Variants in MAGEA1 observed in about 807,000 individuals in gnomAD.
MAGEA1 encodes the protein MAGE family member A1, also known as melanoma-associated antigen 1.
For synonymous variants in MAGEA1, 101 were observed against 96.7 expected (o/e 1.04, Z -0.26); for missense variants, 182 against 233.7 (o/e 0.78, Z 1.44).
Position 153,181,194 on chromosome X carries a change from G to A in MAGEA1, c.-138-983G>A, listed in dbSNP as rs782348377. Among the ~76,000 whole-genome samples, 6 of 111,413 alleles carry A rather than the reference G, an allele frequency of 5.4e-5. No homozygotes were observed. In the South Asian group the frequency reaches 1.9e-3, roughly 35 times the overall value. On this transcript the variant is annotated intron_variant, in intron 1 of 2. Coordinates refer to ENST00000356661, the MANE Select transcript of MAGEA1 (RefSeq NM_004988.5). ...GGAATCCTCACCCCAGAACCAAAGG[G>A]GTCAGCCCTGGACACCTCACCCAGG...
Position 153,182,731 on chromosome X carries a change from C to A in MAGEA1, c.342C>A (p.Leu114=), listed in dbSNP as rs1395812987. Residue 114 remains leucine, a synonymous_variant, in exon 3 of 3, where the codon CTC becomes CTA. Coordinates refer to ENST00000356661, the MANE Select transcript of MAGEA1 (RefSeq NM_004988.5). ...TGGCTGATTTGGTTGGTTTTCTGCT[C>A]CTCAAATATCGAGCCAGGGAGCCAG... ...KKVADLVGFL[L]LKYRAREPVT... is the part of the protein sequence containing the mutation. 1 of 1,210,265 alleles carries A rather than the reference C, an allele frequency of 8.3e-7. No homozygotes were observed. Among genetic ancestry groups the A allele is most frequent in the East Asian group, 3.0e-5 (1 of 33,783 alleles).
In MAGEA1 at chrX:153,182,570, G is replaced by A; in HGVS notation, c.181G>A (p.Ala61Thr). The change falls in exon 3 of 3, where the codon GCC (alanine) becomes ACC (threonine). Residue 61 changes from alanine (A) to threonine (T), a missense_variant. By Grantham distance (58) the Ala-to-Thr change is moderately conservative. Transcript: ENST00000356661. ...STDPPQSPQGASAFPTTINFT... is the reference protein window; with the variant it reads ...STDPPQSPQGTSAFPTTINFT... ...AGATCCTCCCCAGAGTCCTCAGGGA[G>A]CCTCCGCCTTTCCCACTACCATCAA... 1.7e-6 allele frequency: 2 copies of A among 1,211,632 alleles called. No individual in the cohort carries two copies. The highest frequency in any genetic ancestry group is 2.2e-6 in the Non-Finnish European group (2 of 895,440).
Position 153,183,470 on chromosome X carries a change from C to T in MAGEA1, c.*151C>T, listed in dbSNP as rs2051507666. On this transcript the variant is annotated 3_prime_UTR_variant, in exon 3 of 3. Coordinates refer to ENST00000356661, the MANE Select transcript of MAGEA1 (RefSeq NM_004988.5). ...GTGTTCTCAGTAGTAGGTTTCTGTT[C>T]TATTGGGTGACTTGGAGATTTATCT... The T allele has an allele frequency of 1.9e-6, 1 of 523,283 alleles. No individual in the cohort carries two copies. Among genetic ancestry groups the T allele is most frequent in the Non-Finnish European group, 3.2e-6 (1 of 310,925 alleles). The allele number at this position is 523,283 out of a possible 1,213,427, so 43.1% of individuals were successfully genotyped here. A position where few individuals can be genotyped will look rare whatever the true frequency, so the allele number is the denominator to read the frequency against.
intron 1 of MAGEA1, among the ~76,000 whole-genome samples, chrX:153,180,272 G>A (rs797039405): frequency 1.8e-5 from 2 of 111,430 alleles, no homozygotes; most frequent in Non-Finnish European, 3.8e-5. Flanking sequence ...CAGGGCCCAG[G>A]CATCAAGGTC....
At position 153,183,417 on chromosome X, in the gene MAGEA1, C is replaced by T. The variant is rs1291214408; in HGVS notation, c.*98C>T. ...TCCCCTGCCTCGTGTGACATGAGGC[C>T]CATTCTTCACTCTGAAGAGAGCGGT... On this transcript the variant is annotated 3_prime_UTR_variant, in exon 3 of 3. Coordinates refer to ENST00000356661, the MANE Select transcript of MAGEA1 (RefSeq NM_004988.5). 4 of 816,610 alleles carry T rather than the reference C, an allele frequency of 4.9e-6. No homozygotes were observed. Among genetic ancestry groups the T allele is most frequent in the Non-Finnish European group, 7.1e-6 (4 of 560,506 alleles). 67.3% of individuals were successfully genotyped at this position (816,610 alleles called of 1,213,427 possible). A position where few individuals can be genotyped will look rare whatever the true frequency, so the allele number is the denominator to read the frequency against.
rs2051498452 is a variant in MAGEA1 at position 153,182,331 on chromosome X, G to A, written c.-59G>A. The A allele has an allele frequency of 4.6e-6, 5 of 1,077,618 alleles. No individual in the cohort carries two copies. The highest frequency in any genetic ancestry group is 3.0e-5 in the East Asian group (1 of 33,190). 88.8% of individuals were successfully genotyped at this position (1,077,618 alleles called of 1,213,427 possible). On this transcript the variant is annotated 5_prime_UTR_variant, in exon 3 of 3. Coordinates refer to ENST00000356661, the MANE Select transcript of MAGEA1 (RefSeq NM_004988.5). Reference sequence around the variant, plus strand: ...ACACTCCCTCTCTCCCCAGGCCTGTGGGTCTTCATTGCCCAGCTCCTGCCC... The same window carrying A: ...ACACTCCCTCTCTCCCCAGGCCTGTAGGTCTTCATTGCCCAGCTCCTGCCC...
intron 1 of MAGEA1, among the ~76,000 whole-genome samples, chrX:153,179,745 C>T (rs1170120838): frequency 1.9e-5 from 2 of 102,815 alleles, no homozygotes; most frequent in Non-Finnish European, 2.0e-5. Context: ...CCCATCCCTA[C>T]TCCTACTCCG....
intron 1 of MAGEA1, among the ~76,000 whole-genome samples, 153 bp downstream of exon 1, chrX:153,179,518 A>G (rs1475781303): frequency 1.9e-5 from 2 of 107,685 alleles, no homozygotes; most frequent in African/African-American, 3.4e-5. Context: ...GCCTTGAGAG[A>G]CACCAGGTTC....
At chrX:153,181,498 T>C (rs1321298039) in intron 1 of MAGEA1, among the ~76,000 whole-genome samples, 5 of 111,439 alleles carry the variant, frequency 4.5e-5, no homozygotes, top group African/African-American at 9.8e-5. Flanking sequence ...CCTGGGATCA[T>C]TGATGTCAGG....
At chrX:153,180,565 G>A (rs995702040) in intron 1 of MAGEA1, among the ~76,000 whole-genome samples, 1 of 111,356 alleles carries the variant, frequency 9.0e-6, no homozygotes, top group African/African-American at 3.3e-5. Flanking sequence ...GATGAGGGAG[G>A]CCTCAGAGGA....
chrX:153,183,364 G>A lies in MAGEA1; in HGVS notation c.*45G>A, dbSNP rs2051507185. 9.6e-6 allele frequency: 11 copies of A among 1,147,074 alleles called. No homozygotes were observed. Among genetic ancestry groups the A allele is most frequent in the Non-Finnish European group, 1.3e-5 (11 of 848,818 alleles). 94.5% of individuals were successfully genotyped at this position (1,147,074 alleles called of 1,213,427 possible). On this transcript the variant is annotated 3_prime_UTR_variant, in exon 3 of 3. Transcript: ENST00000356661. Reference sequence around the variant, plus strand: ...CCAGTGGGAGGGGGACTGGGCCAGTGCACCTTCCAGGGCCGCGTCCAGCAG... The same window carrying A: ...CCAGTGGGAGGGGGACTGGGCCAGTACACCTTCCAGGGCCGCGTCCAGCAG...
In MAGEA1 at chrX:153,182,547, A is replaced by T. The variant is rs1556944096; in HGVS notation, c.158A>T (p.Asp53Val). The part of the protein sequence containing the change: ...LEEVPTAGST[D>V]PPQSPQGASA... ...GAGGTGCCCACTGCTGGGTCAACAGATCCTCCCCAGAGTCCTCAGGGAGCC... is the reference window on the plus strand; with the variant it reads ...GAGGTGCCCACTGCTGGGTCAACAGTTCCTCCCCAGAGTCCTCAGGGAGCC... The change falls in exon 3 of 3, where the codon GAT becomes GTT. Residue 53 changes from aspartate (D) to valine (V), a missense_variant. Coordinates refer to ENST00000356661, the MANE Select transcript of MAGEA1 (RefSeq NM_004988.5). 1.7e-6 allele frequency: 2 copies of T among 1,209,303 alleles called. No homozygotes were observed. The highest frequency in any genetic ancestry group is 2.2e-6 in the Non-Finnish European group (2 of 894,989).
At chrX:153,182,289 C>A in intron 2 of MAGEA1, 36 bp from the exon 3 acceptor site, 1 of 980,110 alleles carries the variant, frequency 1.0e-6, no homozygotes, top group South Asian at 1.9e-5. Context: ...GTTCAGTTCT[C>A]AGCTGAGGCC....
chrX:153,181,803 G>A (rs917224784), intron 1 of MAGEA1, among the ~76,000 whole-genome samples: 2 of 111,523 alleles, frequency 1.8e-5, no homozygotes, highest in Admixed American at 9.5e-5. Flanking sequence ...AGGGCCCTGC[G>A]TGAGAACAGA....
Position 153,183,514 on chromosome X carries a change from G to A in MAGEA1, c.*195G>A. 2.2e-6 allele frequency: 1 copy of A among 457,309 alleles called. No homozygotes were observed. The highest frequency in any genetic ancestry group is 3.8e-6 in the Non-Finnish European group (1 of 261,193). The allele number at this position is 457,309 out of a possible 1,213,427, so 37.7% of individuals were successfully genotyped here. On this transcript the variant is annotated 3_prime_UTR_variant, in exon 3 of 3. Transcript: ENST00000356661. ...TTTATCTTTGTTCTCTTTTGGAATT[G>A]TTCAAATGTTTTTTTTTAAGGGATG... is the stretch of plus-strand genomic sequence containing the variant.
intron 1 of MAGEA1, 68 bp from the exon 2 acceptor site, chrX:153,182,109 G>C: frequency 6.5e-6 from 3 of 458,359 alleles, no homozygotes; most frequent in South Asian, 2.9e-5. Flanking sequence ...CCTCCCTACT[G>C]TCAGTCCTGT....
intron 2 of MAGEA1, 36 bp from the exon 3 acceptor site, chrX:153,182,289 C>G: frequency 1.0e-6 from 1 of 980,111 alleles, no homozygotes; most frequent in Non-Finnish European, 1.5e-6. Flanking sequence ...GTTCAGTTCT[C>G]AGCTGAGGCC....
chrX:153,183,797 A>G lies in MAGEA1; in HGVS notation c.*478A>G, dbSNP rs1323297485. On this transcript the variant is annotated 3_prime_UTR_variant, in exon 3 of 3. Transcript: ENST00000356661. ...CCTCAGTCTATTCTGTAAAATTTTT[A>G]AAGATATATGCATACCTGGATTTCC... 1 of 126,473 alleles carries G rather than the reference A, an allele frequency of 7.9e-6. No individual in the cohort carries two copies. The highest frequency in any genetic ancestry group is 3.2e-5 in the African/African-American group (1 of 31,034). The allele number at this position is 126,473 out of a possible 1,213,427, so 10.4% of individuals were successfully genotyped here.
rs782563951 is a variant in MAGEA1 at position 153,180,180 on chromosome X, G to A, written c.-139+815G>A. On this transcript the variant is annotated intron_variant, in intron 1 of 2. Coordinates refer to ENST00000356661, the MANE Select transcript of MAGEA1 (RefSeq NM_004988.5). Reference sequence around the variant, plus strand: ...AGATGTCTCAGCTGGACCACCCCCCGTCCCGTCCCACTGCCACTTAACCCA... The same window carrying A: ...AGATGTCTCAGCTGGACCACCCCCCATCCCGTCCCACTGCCACTTAACCCA... 1.7e-3 allele frequency among the ~76,000 whole-genome samples: 193 copies of A among 111,010 alleles called. 3 individuals are homozygous for A. The highest frequency in any genetic ancestry group is 2.7e-3 in the Non-Finnish European group (141 of 52,883).
Sources: allele counts gnomAD v4.1 joint callset (sites outside exome capture counted in the v4.1 genomes callset), GRCh38; gene constraint gnomAD v4.1.1; transcripts MANE v1.5; gene names NCBI Gene and HGNC (gene_info 2026-07-23, HGNC 2026-07-21).